Variants in CNIH3 observed in about 807,000 individuals in gnomAD.
CNIH3 encodes cornichon family AMPA receptor auxiliary protein 3, also known as protein cornichon homolog 3.
CNIH3 carries 14 observed loss-of-function variants against 24.1 expected under a neutral mutation model. The ratio of observed to expected loss-of-function variants is 0.58; its 90% CI spans 0.38 to 0.91. The LOEUF is 0.91. Ranked by LOEUF, CNIH3 falls within the 40% of genes least tolerant of loss-of-function variation. The pLI is 0.00. For synonymous variants in CNIH3, 68 were observed against 73.8 expected, an observed-to-expected ratio of 0.92 and a Z score of 0.40; for missense variants, 178 against 196.8, an observed-to-expected ratio of 0.90 and a Z score of 0.57.
intron 1 of CNIH3, among the ~76,000 whole-genome samples, chr1:224,452,869 C>A (rs1675481658): frequency 6.6e-6 from 1 of 151,260 alleles, no homozygotes; most frequent in South Asian, 2.1e-4. Flanking sequence ...GCCTGTAATC[C>A]CAGCACTTTG....
intron 1 of CNIH3, among the ~76,000 whole-genome samples, chr1:224,617,555 C>T (rs1184252908): frequency 1.3e-5 from 2 of 152,222 alleles, no homozygotes; most frequent in Non-Finnish European, 2.9e-5. Flanking sequence ...CCCTTCCTCT[C>T]CCGCCCCGTC....
At chr1:224,535,336 C>T (rs1679242042) in intron 2 of CNIH3, among the ~76,000 whole-genome samples, 1 of 152,082 alleles carries the variant, frequency 6.6e-6, no homozygotes. Flanking sequence ...GAGGAAGGCT[C>T]CTCCCCTGCA....
intron 1 of CNIH3, chr1:224,435,974 G>A (rs996344221): frequency 6.6e-6 from 1 of 152,104 alleles, no homozygotes; most frequent in African/African-American, 2.4e-5. Context: ...ATAACTGAAA[G>A]TAATTTTGAG....
intron 1 of CNIH3, among the ~76,000 whole-genome samples, chr1:224,498,875 C>T (rs1677542354): frequency 6.6e-6 from 1 of 152,236 alleles, no homozygotes; most frequent in East Asian, 1.9e-4. Flanking sequence ...AAGACACTTA[C>T]ATTGCTCTAG....
chr1:224,666,458 G>A (rs1419306910), intron 1 of CNIH3, among the ~76,000 whole-genome samples: 1 of 152,172 alleles, frequency 6.6e-6, no homozygotes, highest in African/African-American at 2.4e-5. Context: ...ATTTCCCAAA[G>A]TGGATAGTGC....
chr1:224,676,857 A>G (rs1558282723), intron 1 of CNIH3, among the ~76,000 whole-genome samples: 2 of 152,186 alleles, frequency 1.3e-5, no homozygotes, highest in African/African-American at 4.8e-5. Flanking sequence ...GAATCTATTT[A>G]TGAATTAGTG....
intron 1 of CNIH3, among the ~76,000 whole-genome samples, chr1:224,632,356 G>C (rs1025786948): frequency 2.0e-5 from 3 of 152,138 alleles, no homozygotes; most frequent in Non-Finnish European, 2.9e-5. Context: ...ACACTGAACA[G>C]ATACCTAGGT....
chr1:224,651,267 A>G (rs1684844661), intron 1 of CNIH3, among the ~76,000 whole-genome samples: 1 of 152,210 alleles, frequency 6.6e-6, no homozygotes, highest in South Asian at 2.1e-4. Flanking sequence ...ATGGGAAAAA[A>G]CATCACTTGT....
At chr1:224,560,343 A>C (rs563127735) in intron 3 of CNIH3, among the ~76,000 whole-genome samples, 1 of 152,300 alleles carries the variant, frequency 6.6e-6, no homozygotes, top group African/African-American at 2.4e-5. Flanking sequence ...ACTCTTCAGT[A>C]GCACATAGGA....
chr1:224,624,021 G>A (rs1419452066), intron 1 of CNIH3, among the ~76,000 whole-genome samples: 6 of 152,158 alleles, frequency 3.9e-5, no homozygotes, highest in South Asian at 4.1e-4. Context: ...CAGAAACCAC[G>A]GAGACTAATA....
intron 5 of CNIH3, among the ~76,000 whole-genome samples, chr1:224,584,135 A>G (rs997019937): frequency 2.6e-5 from 4 of 152,186 alleles, no homozygotes; most frequent in African/African-American, 7.2e-5. Flanking sequence ...ATTATTGCTG[A>G]CACTATTATT....
At chr1:224,597,138 G>C (rs1682015370) in intron 3 of CNIH3, among the ~76,000 whole-genome samples, 1 of 151,618 alleles carries the variant, frequency 6.6e-6, no homozygotes, top group Middle Eastern at 3.4e-3. Context: ...GGCAAAAAGA[G>C]TGAAGCTCTG....
chr1:224,555,974 C>T (rs1680121545), intron 3 of CNIH3, among the ~76,000 whole-genome samples: 1 of 152,218 alleles, frequency 6.6e-6, no homozygotes, highest in Admixed American at 6.5e-5. Context: ...CGGCTTTACT[C>T]ACTGGCTGCT....
intron 4 of CNIH3, among the ~76,000 whole-genome samples, chr1:224,579,764 T>C (rs572729191): frequency 9.2e-5 from 14 of 152,116 alleles, no homozygotes; most frequent in South Asian, 8.3e-4. Context: ...TTTCCCCCCC[T>C]CTCTCTTTCT....
chr1:224,641,355 T>A (rs1684352172), intron 1 of CNIH3, among the ~76,000 whole-genome samples: 1 of 152,160 alleles, frequency 6.6e-6, no homozygotes, highest in Non-Finnish European at 1.5e-5. Context: ...CTGGGAACCC[T>A]CCCCTCCATC....
chr1:224,660,165 A>C (rs1685279415), intron 1 of CNIH3, among the ~76,000 whole-genome samples: 1 of 152,238 alleles, frequency 6.6e-6, no homozygotes, highest in Non-Finnish European at 1.5e-5. Flanking sequence ...AATTTACAAA[A>C]GAAAGAGTTT....
intron 3 of CNIH3, among the ~76,000 whole-genome samples, chr1:224,695,368 A>G (rs954410929): frequency 8.1e-6 from 1 of 124,172 alleles, no homozygotes; most frequent in East Asian, 2.7e-4. Context: ...ACACACACAC[A>G]CACACACACA....
intron 1 of CNIH3, among the ~76,000 whole-genome samples, chr1:224,452,539 T>C (rs547739731): frequency 2.0e-5 from 3 of 151,768 alleles, no homozygotes; most frequent in South Asian, 4.2e-4. Flanking sequence ...CCCAGCACTT[T>C]GGGAGGCCAA....
In CNIH3 at chr1:224,461,336, A is replaced by G. The variant is rs141288924; in HGVS notation, n.203+26474A>G. Reference sequence around the variant, plus strand: ...ATATTTTAAACAAAGGATGTTTAATACAGACTTATTTTTGATGCATTATAC... The same window carrying G: ...ATATTTTAAACAAAGGATGTTTAATGCAGACTTATTTTTGATGCATTATAC... On this transcript the variant is annotated intron_variant and non_coding_transcript_variant, in intron 1 of 5. Coordinates refer to the CNIH3 transcript ENST00000471578. 3.1e-3 allele frequency among the ~76,000 whole-genome samples: 467 copies of G among 152,288 alleles called. 1 individual carries two copies. Among genetic ancestry groups the G allele is most frequent in the African/African-American group, 0.01 (433 of 41,562 alleles).
Sources: gnomAD v4.1 joint callset for allele counts (sites outside exome capture counted in the v4.1 genomes callset) on GRCh38, gnomAD v4.1.1 for gene constraint, MANE v1.5 for transcripts, NCBI Gene and HGNC (gene_info 2026-07-23, HGNC 2026-07-21) for gene names.